Variants in NECTIN3 observed in about 807,000 individuals in gnomAD.
The protein encoded by NECTIN3 is nectin cell adhesion molecule 3, also known as nectin-3.
In NECTIN3, 8 loss-of-function variants were observed where a neutral mutation model predicts 49.4. That is an observed-to-expected ratio of 0.16 (90% CI 0.10 to 0.29). The LOEUF is 0.29. NECTIN3 is among the 10% of genes least tolerant of loss of function. NECTIN3 has a pLI of 1.00. For synonymous variants in NECTIN3, 277 were observed against 241.1 expected, an observed-to-expected ratio of 1.15 and a Z score of -1.38; for missense variants, 581 against 654.6, an observed-to-expected ratio of 0.89 and a Z score of 1.23.
In NECTIN3 at chr3:111,112,318, C is replaced by G; in HGVS notation, c.449C>G (p.Ala150Gly). ...FSDSGKYICK[A>G]VTFPLGNAQS... Reference sequence around the variant, plus strand: ...GATTCTGGAAAATACATCTGCAAAGCTGTTACATTCCCGCTTGGAAATGCC... The same window carrying G: ...GATTCTGGAAAATACATCTGCAAAGGTGTTACATTCCCGCTTGGAAATGCC... Residue 150 changes from alanine to glycine, a missense_variant, in exon 2 of 6, where the codon GCT (alanine) becomes GGT (glycine). Physicochemically the swap from Ala to Gly is moderately conservative, Grantham distance 60. Transcript: ENST00000485303. 1.9e-6 allele frequency: 3 copies of G among 1,613,374 alleles called. No homozygotes were observed. The highest frequency in any genetic ancestry group is 2.5e-6 in the Non-Finnish European group (3 of 1,179,540).
intron 5 of NECTIN3, among the ~76,000 whole-genome samples, chr3:111,128,718 TTC>T (rs1278518311): frequency 6.6e-6 from 1 of 152,210 alleles, no homozygotes; most frequent in African/African-American, 2.4e-5. Flanking sequence ...ATACCAGCTC[TTC>T]CATTATGTTA....
chr3:111,149,931 T>G (rs573048090), intron 7 of NECTIN3, among the ~76,000 whole-genome samples: 9 of 152,118 alleles, frequency 5.9e-5, no homozygotes, highest in East Asian at 5.8e-4. Context: ...TAATGCTATT[T>G]TTTAGCCTTG....
At chr3:111,126,561 ATTTAC>A (rs1435846768) in intron 5 of NECTIN3, among the ~76,000 whole-genome samples, 1 of 152,050 alleles carries the variant, frequency 6.6e-6, no homozygotes, top group Non-Finnish European at 1.5e-5. Context: ...CAACAAGTTT[ATTTAC>A]TTTTTGATGC....
chr3:111,170,084 T>C (rs1192650711), intron 7 of NECTIN3, among the ~76,000 whole-genome samples: 1 of 152,220 alleles, frequency 6.6e-6, no homozygotes, highest in African/African-American at 2.4e-5. Context: ...TTTGGCTGTT[T>C]ATATATTAAG....
chr3:111,098,825 A>G (rs1241562685), intron 1 of NECTIN3, among the ~76,000 whole-genome samples: 3 of 151,524 alleles, frequency 2.0e-5, no homozygotes, highest in Non-Finnish European at 4.4e-5. Context: ...CCTCCTGACT[A>G]CACTTTAAGT....
chr3:111,094,801 TAG>T (rs2032490184), intron 1 of NECTIN3, among the ~76,000 whole-genome samples: 1 of 152,186 alleles, frequency 6.6e-6, no homozygotes, highest in Admixed American at 6.5e-5. Context: ...ACTCCCTGCC[TAG>T]TGTATACCCA....
chr3:111,189,534 A>G (rs1472681375), upstream of NECTIN3, among the ~76,000 whole-genome samples: 1 of 152,218 alleles, frequency 6.6e-6, no homozygotes, highest in Non-Finnish European at 1.5e-5. Context: ...GAAGCTTCTG[A>G]TTACACCACC....
At chr3:111,105,899 C>T (rs1458024192) in intron 1 of NECTIN3, among the ~76,000 whole-genome samples, 5 of 151,496 alleles carry the variant, frequency 3.3e-5, no homozygotes, top group Admixed American at 1.3e-4. Flanking sequence ...TGTAAGGTGT[C>T]GTCTCTATTC....
At chr3:111,166,356 C>CA (rs1268160969) in intron 7 of NECTIN3, among the ~76,000 whole-genome samples, 7 of 146,310 alleles carry the variant, frequency 4.8e-5, no homozygotes, top group Admixed American at 2.7e-4. Flanking sequence ...ATGTTATGTC[C>CA]ACCATGCTCC....
intron 1 of NECTIN3, among the ~76,000 whole-genome samples, chr3:111,102,765 G>A (rs928976218): frequency 6.6e-6 from 1 of 151,982 alleles, no homozygotes; most frequent in Non-Finnish European, 1.5e-5. Context: ...GTCTTCTAGG[G>A]TTTTTGTAGT....
Position 111,136,040 on chromosome 3 carries a change from A to G in NECTIN3, c.*1825A>G, listed in dbSNP as rs2107498726. The G allele has an allele frequency of 1.0e-6, 1 of 980,018 alleles. No individual in the cohort carries two copies. Among genetic ancestry groups the G allele is most frequent in the Non-Finnish European group, 1.2e-6 (1 of 825,160 alleles). The allele number at this position is 980,018 out of a possible 1,614,324, so 60.7% of individuals were successfully genotyped here. On this transcript the variant is annotated 3_prime_UTR_variant, in exon 6 of 6. Transcript: ENST00000485303. Reference sequence around the variant, plus strand: ...TTTTTGGAAGAAAACTTTTTGATAAAACACTGTGATTGATGTGACTTTATT... The same window carrying G: ...TTTTTGGAAGAAAACTTTTTGATAAGACACTGTGATTGATGTGACTTTATT...
At chr3:111,074,052 A>G (rs1179727308) in intron 1 of NECTIN3, among the ~76,000 whole-genome samples, 1 of 152,136 alleles carries the variant, frequency 6.6e-6, no homozygotes, top group Non-Finnish European at 1.5e-5. Context: ...TTGTAGAGGT[A>G]GACACTGGTT....
chr3:111,108,488 A>G (rs1298981459), intron 1 of NECTIN3, among the ~76,000 whole-genome samples: 2 of 152,060 alleles, frequency 1.3e-5, no homozygotes, highest in Non-Finnish European at 2.9e-5. Context: ...TTGTAAGGAG[A>G]TATAATTAGG....
chr3:111,122,690 A>T (rs1489306250), intron 4 of NECTIN3, among the ~76,000 whole-genome samples: 1 of 152,174 alleles, frequency 6.6e-6, no homozygotes, highest in African/African-American at 2.4e-5. Flanking sequence ...GCTAAGTAGT[A>T]GTATACCAGA....
At chr3:111,164,204 T>C (rs2035273962) in intron 7 of NECTIN3, among the ~76,000 whole-genome samples, 1 of 152,146 alleles carries the variant, frequency 6.6e-6, no homozygotes, top group South Asian at 2.1e-4. Context: ...CTTGTATCCA[T>C]TTGTCATCTT....
chr3:111,079,508 A>G (rs1472940511), intron 1 of NECTIN3, among the ~76,000 whole-genome samples: 1 of 152,006 alleles, frequency 6.6e-6, no homozygotes, highest in African/African-American at 2.4e-5. Flanking sequence ...CCTAGTTTTT[A>G]AAACCTGCTT....
At chr3:111,138,705 G>T (rs73229194), downstream of NECTIN3, among the ~76,000 whole-genome samples, 13,961 of 151,564 alleles carry the variant, frequency 0.092, 711 homozygotes, top group South Asian at 0.13. Flanking sequence ...TTTCTGGCTG[G>T]TTGCTAATGA....
In NECTIN3 at chr3:111,072,080, C is replaced by T. The variant is rs1368499218; in HGVS notation, c.63C>T (p.Ser21=). 6.5e-7 allele frequency: 1 copy of T among 1,549,392 alleles called. No homozygotes were observed. The highest frequency in any genetic ancestry group is 2.0e-5 in the Admixed American group (1 of 50,902). Residue 21 remains serine (S), a synonymous_variant, in exon 1 of 6, where the codon TCC becomes TCT. Transcript: ENST00000485303. ...GAGGCGGCAAAGCACAACTTTCCTC[C>T]GCTTCTCTCCTCGGAGCCGGGCTCC... is the stretch of plus-strand genomic sequence containing the variant. ...CPGGGKAQLS[S]ASLLGAGLLL... is the part of the protein sequence containing the mutation.
At chr3:111,177,210 A>G (rs973692445) in intron 7 of NECTIN3, among the ~76,000 whole-genome samples, 4 of 152,040 alleles carry the variant, frequency 2.6e-5, no homozygotes, top group African/African-American at 4.8e-5. Flanking sequence ...ATAAGGTGGC[A>G]TTTCTAAGGA....
Sources: allele counts gnomAD v4.1 joint callset (sites outside exome capture counted in the v4.1 genomes callset), GRCh38; gene constraint gnomAD v4.1.1; transcripts MANE v1.5; gene names NCBI Gene and HGNC (gene_info 2026-07-23, HGNC 2026-07-21).